The following SLC35F3 variants were observed in gnomAD, a reference collection of about 807,000 sequenced individuals.
SLC35F3 encodes solute carrier family 35 member F3.
Under a neutral mutation model 49.9 loss-of-function variants are expected in SLC35F3, and 25 were observed. The observed-to-expected ratio is 0.50, with a 90% CI of 0.37 to 0.70. SLC35F3 has a LOEUF of 0.70. Among genes scored for constraint, SLC35F3 ranks in the 30% least tolerant of loss-of-function variants. SLC35F3 has a pLI of 0.00. For missense variants in SLC35F3, 525 were observed against 639.8 expected (o/e 0.82, Z 1.94); for synonymous variants, 275 against 265.4 (o/e 1.04, Z -0.35).
intron 2 of SLC35F3, among the ~76,000 whole-genome samples, chr1:234,192,465 T>C (rs566546164): frequency 5.9e-5 from 9 of 152,266 alleles, no homozygotes; most frequent in African/African-American, 1.9e-4. Context: ...TAGTAAAAAC[T>C]GTCTATGACA....
At chr1:234,181,338 G>A (rs200163423) in intron 2 of SLC35F3, among the ~76,000 whole-genome samples, 1,859 of 96,978 alleles carry the variant, frequency 0.019, no homozygotes, top group East Asian at 0.068. Flanking sequence ...TCTGTCTCAA[G>A]AAAAAAAAAA....
chr1:234,051,430 GCTCT>G (rs1572033040), intron 2 of SLC35F3, among the ~76,000 whole-genome samples: 1 of 152,012 alleles, frequency 6.6e-6, no homozygotes, highest in Non-Finnish European at 1.5e-5. Context: ...TCATGATTTG[GCTCT>G]CTGTTTGTCT....
intron 7 of SLC35F3, 64 bp from the exon 8 acceptor site, chr1:234,322,944 C>A: frequency 1.4e-6 from 2 of 1,415,228 alleles, no homozygotes; most frequent in East Asian, 2.3e-5. Context: ...CAGGCCCTGC[C>A]CACTCTCCAG....
At chr1:234,268,260 C>G (rs1476748337) in intron 3 of SLC35F3, among the ~76,000 whole-genome samples, 1 of 152,186 alleles carries the variant, frequency 6.6e-6, no homozygotes, top group African/African-American at 2.4e-5. Context: ...GGAGACCAGC[C>G]CGGCCAACAC....
chr1:234,041,626 T>C (rs1664222893), intron 2 of SLC35F3, among the ~76,000 whole-genome samples: 1 of 152,188 alleles, frequency 6.6e-6, no homozygotes, highest in African/African-American at 2.4e-5. Context: ...CAGCATGTTT[T>C]ATAATTGTTC....
chr1:234,093,048 A>G (rs1243263877), intron 2 of SLC35F3, among the ~76,000 whole-genome samples: 1 of 152,242 alleles, frequency 6.6e-6, no homozygotes, highest in Non-Finnish European at 1.5e-5. Flanking sequence ...TGGCTTTGCC[A>G]CATAGAGTGT....
chr1:234,098,787 A>G (rs1017590207), intron 2 of SLC35F3, among the ~76,000 whole-genome samples: 48 of 144,078 alleles, frequency 3.3e-4, no homozygotes, highest in African/African-American at 1.1e-3. Context: ...GTGGCAGTTC[A>G]GATGGCGGTG....
chr1:234,015,282 A>G (rs1031943756), intron 2 of SLC35F3, among the ~76,000 whole-genome samples: 4 of 150,552 alleles, frequency 2.7e-5, no homozygotes, highest in Non-Finnish European at 4.4e-5. Flanking sequence ...CAGGAGGCGG[A>G]GTTTGCAGTG....
chr1:234,131,661 G>A (rs16842598), intron 2 of SLC35F3, among the ~76,000 whole-genome samples: 2,748 of 152,292 alleles, frequency 0.018, 79 homozygotes, highest in African/African-American at 0.063. Context: ...ATTGATGTTA[G>A]GGAGCACGTC....
chr1:234,010,584 A>C (rs1362208175), intron 2 of SLC35F3, among the ~76,000 whole-genome samples: 2 of 152,180 alleles, frequency 1.3e-5, no homozygotes, highest in African/African-American at 4.8e-5. Flanking sequence ...AAAAGACTCA[A>C]CTTTATGCTG....
At chr1:234,098,463 G>A (rs2102880856) in intron 2 of SLC35F3, among the ~76,000 whole-genome samples, 1 of 151,372 alleles carries the variant, frequency 6.6e-6, no homozygotes, top group Admixed American at 6.6e-5. Context: ...CAGTGTTATA[G>A]GGTGATGATG....
intron 2 of SLC35F3, among the ~76,000 whole-genome samples, chr1:234,061,387 C>G (rs1664536513): frequency 6.6e-6 from 1 of 152,062 alleles, no homozygotes; most frequent in South Asian, 2.1e-4. Context: ...GCTTTCAAAA[C>G]TTTCTCTGTC....
chr1:233,975,002 C>T (rs916071765), intron 2 of SLC35F3, among the ~76,000 whole-genome samples: 1 of 152,164 alleles, frequency 6.6e-6, no homozygotes, highest in Admixed American at 6.5e-5. Context: ...TCAGGGACAC[C>T]CCTGGGCATG....
intron 2 of SLC35F3, among the ~76,000 whole-genome samples, chr1:234,166,352 C>G (rs576867868): frequency 4.6e-5 from 7 of 152,184 alleles, no homozygotes; most frequent in African/African-American, 1.7e-4. Flanking sequence ...TATTAAGGCT[C>G]ACTCTTACTT....
At position 234,230,258 on chromosome 1, in the gene SLC35F3, A is replaced by G. The variant is rs186932452; in HGVS notation, c.284-1159A>G. ...AGCTAACACCTGAAAAATAGATTACATTGAATCACAATTTTGCCTCATAGA... is the reference window on the plus strand; with the variant it reads ...AGCTAACACCTGAAAAATAGATTACGTTGAATCACAATTTTGCCTCATAGA... On this transcript the variant is annotated intron_variant, in intron 2 of 7. Transcript: ENST00000366618. 2.3e-3 allele frequency among the ~76,000 whole-genome samples: 350 copies of G among 152,370 alleles called. 1 individual carries two copies. The highest frequency in any genetic ancestry group is 0.014 in the Middle Eastern group (4 of 294).
rs142127336 is a variant in SLC35F3 at position 233,920,690 on chromosome 1, T to C, written c.283+14932T>C. Among the ~76,000 whole-genome samples the C allele has an allele frequency of 3.5e-4, 54 of 152,368 alleles. No homozygotes were observed. In the East Asian group the frequency reaches 9.4e-3, roughly 27 times the overall value. ...GGATATCAATTGTGGAATTGTGTTA[T>C]GTTACATGAGATTCCGTCTTGCTAG... On this transcript the variant is annotated intron_variant, in intron 2 of 7. Transcript: ENST00000366618.
chr1:234,201,912 C>CA (rs11361148), intron 2 of SLC35F3, among the ~76,000 whole-genome samples: 1,185 of 111,842 alleles, frequency 0.011, 11 homozygotes, highest in South Asian at 0.044. Flanking sequence ...GACTTCTTCT[C>CA]AAAAAAAAAA....
rs192123149 is a variant in SLC35F3 at position 233,961,748 on chromosome 1, G to T, written c.283+55990G>T. ...TAGGATTATAGGCGTGAGCCACAGC[G>T]CCTGGCCTCTCATTTCAGCTTTTTT... On this transcript the variant is annotated intron_variant, in intron 2 of 7. Transcript: ENST00000366618. 2.4e-3 allele frequency among the ~76,000 whole-genome samples: 361 copies of T among 152,264 alleles called. 1 individual carries two copies. The highest frequency in any genetic ancestry group is 8.0e-3 in the African/African-American group (333 of 41,554).
At chr1:234,107,729 A>G (rs1221948626) in intron 2 of SLC35F3, among the ~76,000 whole-genome samples, 2 of 152,194 alleles carry the variant, frequency 1.3e-5, no homozygotes, top group African/African-American at 2.4e-5. Context: ...TTCCTCAGCT[A>G]TAAAAGAAGT....
Sources: allele counts gnomAD v4.1 joint callset (sites outside exome capture counted in the v4.1 genomes callset), GRCh38; gene constraint gnomAD v4.1.1; transcripts MANE v1.5; gene names NCBI Gene and HGNC (gene_info 2026-07-23, HGNC 2026-07-21).